EVI2A: variants seen among roughly 807,000 people sequenced by gnomAD.
The protein encoded by EVI2A is protein EVI2A.
In EVI2A, 11 loss-of-function variants were observed where a neutral mutation model predicts 13.0. The ratio of observed to expected loss-of-function variants is 0.85; its 90% confidence interval spans 0.53 to 1.40. The LOEUF is 1.40. Ranked by LOEUF, EVI2A falls within the 40% of genes most tolerant of loss-of-function variation. The pLI, the probability that EVI2A is intolerant of heterozygous loss-of-function variation, is 0.00. For missense variants in EVI2A, 267 were observed against 279.5 expected, an observed-to-expected ratio of 0.96 and a Z score of 0.32; for synonymous variants, 89 against 98.0, an observed-to-expected ratio of 0.91 and a Z score of 0.54.
In EVI2A at chr17:31,319,284, AT is replaced by A. The variant is rs369954202; in HGVS notation, c.-10-262del. On this transcript the variant is annotated intron_variant, in intron 1 of 1. Transcript: ENST00000462804. ...TATTAATCATTTTAAGTGGACTATC[AT>A]GGCTTTATATAGTTTTCTTCCTTTG... Among the ~76,000 whole-genome samples, 486 of 152,086 alleles carry A rather than the reference AT, an allele frequency of 3.2e-3. 2 individuals are homozygous for A. The highest frequency in any genetic ancestry group is 0.011 in the African/African-American group (469 of 41,470).
Position 31,317,797 on chromosome 17 carries a change from G to A in EVI2A, c.*506C>T, listed in dbSNP as rs1361736659. On this transcript the variant is annotated 3_prime_UTR_variant, in exon 2 of 2. Transcript: ENST00000462804. ...ATCTATTCTAAAATTAGCTGTGTTG[G>A]TTGATAAGCTGGTGTGGATTCTGCC... 1 of 152,578 alleles carries A rather than the reference G, an allele frequency of 6.6e-6. No individual in the cohort carries two copies. The highest frequency in any genetic ancestry group is 1.5e-5 in the Non-Finnish European group (1 of 68,344). The allele number at this position is 152,578 out of a possible 1,614,324, so 9.5% of individuals were successfully genotyped here.
rs1483779672 is a variant in EVI2A at position 31,317,706 on chromosome 17, AG to A, written c.*596del. On this transcript the variant is annotated 3_prime_UTR_variant, in exon 2 of 2. Transcript: ENST00000462804. ...GTTTTAATTTATTATACAAAAGTAA[AG>A]GTTTTAATTTAATATTAATAGTAGA... 5 of 152,210 alleles carry A rather than the reference AG, an allele frequency of 3.3e-5. No individual in the cohort carries two copies. Among genetic ancestry groups the A allele is most frequent in the African/African-American group, 1.2e-4 (5 of 41,454 alleles). The allele number at this position is 152,210 out of a possible 1,614,324, so 9.4% of individuals were successfully genotyped here.
chr17:31,319,629 T>C (rs1193910381), intron 1 of EVI2A, among the ~76,000 whole-genome samples: 2 of 152,050 alleles, frequency 1.3e-5, no homozygotes, highest in Admixed American at 6.6e-5. Context: ...TAGAAATACA[T>C]TTGTAAGTGT....
intron 1 of EVI2A, 47 bp downstream of exon 1, chr17:31,321,448 C>A (rs187896923): frequency 6.6e-6 from 1 of 152,144 alleles, no homozygotes; most frequent in East Asian, 1.9e-4. Context: ...ATCTGTCAGA[C>A]GTTAGAAGTG....
rs566544133 is a variant in EVI2A at position 31,319,526 on chromosome 17, G to A, written c.-10-503C>T. Reference sequence around the variant, plus strand: ...TGGTGGAAAGAGGGGAAGTTTGGTAGCAACCAAAAGAAACTGAACTTCAAA... The same window carrying A: ...TGGTGGAAAGAGGGGAAGTTTGGTAACAACCAAAAGAAACTGAACTTCAAA... On this transcript the variant is annotated intron_variant, in intron 1 of 1. Coordinates refer to ENST00000462804, the MANE Select transcript of EVI2A (RefSeq NM_014210.4). Among the ~76,000 whole-genome samples, 8 of 152,182 alleles carry A rather than the reference G, an allele frequency of 5.3e-5. No individual in the cohort carries two copies. The South Asian group carries it at 6.2e-4, about 12-fold the overall frequency.
Position 31,318,321 on chromosome 17 carries a change from A to G in EVI2A, c.693T>C (p.Thr231=). The G allele has an allele frequency of 1.2e-6, 2 of 1,608,804 alleles. No homozygotes were observed. The highest frequency in any genetic ancestry group is 1.7e-6 in the Non-Finnish European group (2 of 1,178,440). The change falls in exon 2 of 2, where the codon ACT becomes ACC. Residue 231 remains threonine, a synonymous_variant. Coordinates refer to ENST00000462804, the MANE Select transcript of EVI2A (RefSeq NM_014210.4). ...TTCTTCACTAACCTATCTGTTTGTT[A>G]GTAAGTTTTTCAGTTCCTTCTTCAT... ...RKDEEGTEKL[T]NKQIG is the part of the protein sequence containing the mutation.
At position 31,316,935 on chromosome 17, in the gene EVI2A, G is replaced by A. The variant is rs148316543; in HGVS notation, c.*1368C>T. ...GAGCAGTTATCACCTTGAGAGTTAC[G>A]TAAAAATTACCAATGCTTAGAGTTC... On this transcript the variant is annotated 3_prime_UTR_variant, in exon 2 of 2. Transcript: ENST00000462804. 1.5e-3 allele frequency among the ~76,000 whole-genome samples: 230 copies of A among 152,112 alleles called. 1 individual carries two copies. Among genetic ancestry groups the A allele is most frequent in the African/African-American group, 5.0e-3 (207 of 41,498 alleles).
intron 1 of EVI2A, among the ~76,000 whole-genome samples, chr17:31,319,364 T>C (rs990254362): frequency 6.0e-5 from 9 of 150,184 alleles, no homozygotes; most frequent in African/African-American, 2.2e-4. Context: ...ACTTTTCTGA[T>C]TCCTTCTTTA....
chr17:31,320,646 T>G (rs2069162506), intron 1 of EVI2A: 1 of 439,772 alleles, frequency 2.3e-6, no homozygotes, highest in South Asian at 5.0e-5. Context: ...CTATTAAATA[T>G]TCCAGGATTA....
At position 31,317,651 on chromosome 17, in the gene EVI2A, C is replaced by G. The variant is rs1363904565; in HGVS notation, c.*652G>C. 6.6e-6 allele frequency: 1 copy of G among 152,026 alleles called. No individual in the cohort carries two copies. The highest frequency in any genetic ancestry group is 1.5e-5 in the Non-Finnish European group (1 of 68,006). 9.4% of individuals were successfully genotyped at this position (152,026 alleles called of 1,614,324 possible). On this transcript the variant is annotated 3_prime_UTR_variant, in exon 2 of 2. Coordinates refer to ENST00000462804, the MANE Select transcript of EVI2A (RefSeq NM_014210.4). ...GTTCTCTAAAGTAATAAAGTGAATG[C>G]AAATATACGTGGTCACAGGTTTATT...
Position 31,318,764 on chromosome 17 carries a change from C to T in EVI2A, c.250G>A (p.Val84Ile), listed in dbSNP as rs113390641. 63 of 1,613,848 alleles carry T rather than the reference C, an allele frequency of 3.9e-5. 2 individuals are homozygous for T. The highest frequency in any genetic ancestry group is 2.5e-4 in the African/African-American group (19 of 74,868). ...STNMPETSHI[V>I]ALTSKSEQEL... ...TGTTCAGATTTAGAAGTTAAAGCTACGATGTGAGATGTTTCAGGCATGTTT... is the reference window on the plus strand; with the variant it reads ...TGTTCAGATTTAGAAGTTAAAGCTATGATGTGAGATGTTTCAGGCATGTTT... Residue 84 changes from valine to isoleucine, a missense_variant, in exon 2 of 2, where the codon GTA (valine) becomes ATA (isoleucine). Val to Ile is a conservative substitution (Grantham distance 29). Coordinates refer to ENST00000462804, the MANE Select transcript of EVI2A (RefSeq NM_014210.4).
At position 31,318,533 on chromosome 17, in the gene EVI2A, T is replaced by C; in HGVS notation, c.481A>G (p.Asn161Asp). 2 of 1,614,102 alleles carry C rather than the reference T, an allele frequency of 1.2e-6. No individual in the cohort carries two copies. The highest frequency in any genetic ancestry group is 1.3e-5 in the African/African-American group (1 of 75,046). Residue 161 changes from asparagine (N) to aspartate (D), a missense_variant, in exon 2 of 2, where the codon AAC (asparagine) becomes GAC (aspartate). By Grantham distance (23) the Asn-to-Asp change is conservative. Transcript: ENST00000462804. ...FLFLSTVVLA[N>D]KVSSLRRSKQ... ...GATCGTCTGAGAGAAGAGACTTTGT[T>C]TGCCAAAACCACAGTTGATAGAAAT...
In EVI2A at chr17:31,317,600, C is replaced by G. The variant is rs1352446072; in HGVS notation, c.*703G>C. The G allele has an allele frequency of 1.3e-5, 2 of 152,074 alleles. No individual in the cohort carries two copies. The highest frequency in any genetic ancestry group is 2.9e-5 in the Non-Finnish European group (2 of 68,002). The allele number at this position is 152,074 out of a possible 1,614,324, so 9.4% of individuals were successfully genotyped here. ...AAATCTTATTTATTTTAGTTGTGCT[C>G]TATTTCTTATTGATCTTTACAATGT... On this transcript the variant is annotated 3_prime_UTR_variant, in exon 2 of 2. Coordinates refer to ENST00000462804, the MANE Select transcript of EVI2A (RefSeq NM_014210.4).
At chr17:31,321,265 A>G (rs1475765262) in intron 1 of EVI2A, among the ~76,000 whole-genome samples, 2 of 152,236 alleles carry the variant, frequency 1.3e-5, no homozygotes, top group Non-Finnish European at 2.9e-5. Context: ...TGAGGAAACC[A>G]AACTTAGATC....
chr17:31,320,388 A>G (rs2069152967), intron 1 of EVI2A: 1 of 1,608,088 alleles, frequency 6.2e-7, no homozygotes, highest in Admixed American at 1.7e-5. Flanking sequence ...TAGTATAGGT[A>G]GGGCCTGAAA....
At chr17:31,320,513 A>G (rs1015139738) in intron 1 of EVI2A, 5 of 1,239,254 alleles carry the variant, frequency 4.0e-6, no homozygotes, top group Non-Finnish European at 5.8e-6. Flanking sequence ...ACATTTGTAT[A>G]CTATTAAAAT....
At position 31,318,571 on chromosome 17, in the gene EVI2A, A is replaced by G. The variant is rs1175433701; in HGVS notation, c.443T>C (p.Ile148Thr). The change falls in exon 2 of 2, where the codon ATC becomes ACC. Residue 148 changes from isoleucine to threonine, a missense_variant. Physicochemically the swap from Ile to Thr is moderately conservative, Grantham distance 89. Coordinates refer to ENST00000462804, the MANE Select transcript of EVI2A (RefSeq NM_014210.4). The stretch of plus-strand genomic sequence containing the variant: ...AGTTGATAGAAATAGAAAGGTACAG[A>G]TAAGAAAAAGCACTGCAATTATAAT... ...CLIIIAVLFL[I>T]CTFLFLSTVV... 3 of 1,614,014 alleles carry G rather than the reference A, an allele frequency of 1.9e-6. No homozygotes were observed. The highest frequency in any genetic ancestry group is 2.5e-6 in the Non-Finnish European group (3 of 1,180,014).
In EVI2A at chr17:31,318,852, G is replaced by A. The variant is rs1423120230; in HGVS notation, c.162C>T (p.Asn54=). ...GGTTTGTGTTAATGTTTTCATTTTG[G>A]TTTCTGCCTGTCTTGTTTTGAATAA... ...DSVIQNKTGR[N]QNENINTNPI... The change falls in exon 2 of 2, where the codon AAC becomes AAT. Residue 54 remains asparagine (N), a synonymous_variant. Transcript: ENST00000462804. 1.9e-6 allele frequency: 3 copies of A among 1,613,922 alleles called. No individual in the cohort carries two copies. Among genetic ancestry groups the A allele is most frequent in the Middle Eastern group, 1.6e-4 (1 of 6,062 alleles).
At chr17:31,320,577 C>T in intron 1 of EVI2A, 1 of 639,708 alleles carries the variant, frequency 1.6e-6, no homozygotes, top group South Asian at 2.2e-5. Context: ...ACAAAAGTAG[C>T]ATGTAATAAA....
Sources: gnomAD v4.1 joint callset for allele counts (sites outside exome capture counted in the v4.1 genomes callset) on GRCh38, gnomAD v4.1.1 for gene constraint, MANE v1.5 for transcripts, NCBI Gene and HGNC (gene_info 2026-07-23, HGNC 2026-07-21) for gene names.